Variants in WDR25 observed in about 807,000 individuals in gnomAD.
WDR25 encodes the protein WD repeat domain 25, also known as WD repeat-containing protein 25.
Under a neutral mutation model 47.7 loss-of-function variants are expected in WDR25, and 35 were observed. That is an observed-to-expected ratio of 0.73 (90% CI 0.56 to 0.97). The LOEUF (loss-of-function observed/expected upper bound fraction) is 0.97, where lower values mean the gene tolerates loss of function less well. WDR25 is among the 50% of genes least tolerant of loss of function. The pLI is 0.00. For missense variants in WDR25, 634 were observed against 704.7 expected, an observed-to-expected ratio of 0.90 and a Z score of 1.14; for synonymous variants, 248 against 278.9, an observed-to-expected ratio of 0.89 and a Z score of 1.10.
intron 2 of WDR25, among the ~76,000 whole-genome samples, chr14:100,413,593 T>G (rs1268649931): frequency 6.6e-6 from 1 of 151,968 alleles, no homozygotes; most frequent in Non-Finnish European, 1.5e-5. Flanking sequence ...TTTTGTATTT[T>G]TAGTAGAGAT....
intron 2 of WDR25, among the ~76,000 whole-genome samples, chr14:100,398,511 A>G (rs1359926973): frequency 6.6e-6 from 1 of 152,054 alleles, no homozygotes; most frequent in Non-Finnish European, 1.5e-5. Flanking sequence ...TTTCAGATTT[A>G]TGGAAGAGTT....
At chr14:100,515,302 T>C (rs917797508) in intron 4 of WDR25, among the ~76,000 whole-genome samples, 3 of 152,160 alleles carry the variant, frequency 2.0e-5, no homozygotes. Flanking sequence ...TTGGAAAATT[T>C]TTGCTCGTAG....
chr14:100,473,022 A>G (rs1221425898), intron 3 of WDR25, among the ~76,000 whole-genome samples: 1 of 152,272 alleles, frequency 6.6e-6, no homozygotes, highest in Non-Finnish European at 1.5e-5. Flanking sequence ...GACTGGGCTC[A>G]TAAATGACCA....
At chr14:100,465,219 A>G (rs1038479138) in intron 2 of WDR25, among the ~76,000 whole-genome samples, 2 of 152,144 alleles carry the variant, frequency 1.3e-5, no homozygotes, top group African/African-American at 4.8e-5. Context: ...CACAGCATAA[A>G]ATTGACCATC....
intron 2 of WDR25, among the ~76,000 whole-genome samples, chr14:100,460,149 G>T (rs1372399559): frequency 7.1e-6 from 1 of 141,600 alleles, no homozygotes; most frequent in Non-Finnish European, 1.5e-5. Context: ...GTCTCGCTCT[G>T]TCGCCCAGGC....
chr14:100,413,878 A>T (rs919065808), intron 2 of WDR25, among the ~76,000 whole-genome samples: 79 of 152,248 alleles, frequency 5.2e-4, no homozygotes, highest in African/African-American at 1.8e-3. Context: ...ACGTTCAGCC[A>T]TTTATCCCTT....
intron 2 of WDR25, among the ~76,000 whole-genome samples, chr14:100,446,961 T>G (rs1390667482): frequency 6.6e-6 from 1 of 152,248 alleles, no homozygotes; most frequent in Non-Finnish European, 1.5e-5. Context: ...GAGTCATCAT[T>G]ATTATCCCAT....
intron 3 of WDR25, among the ~76,000 whole-genome samples, chr14:100,476,267 C>T (rs1172354590): frequency 2.6e-5 from 4 of 152,188 alleles, no homozygotes; most frequent in African/African-American, 7.2e-5. Flanking sequence ...GGCCTTTGCC[C>T]GGATTGCTAA....
rs991865391 is a variant in WDR25 at position 100,484,100 on chromosome 14, A to G, written c.1077A>G (p.Lys359=). Residue 359 remains lysine, a synonymous_variant, in exon 4 of 7, where the codon AAA becomes AAG. Transcript: ENST00000402312. ...FLCGGFSSEM[K]AWDIRTGKVM... is the part of the protein sequence containing the mutation. ...GTGGAGGCTTCAGCTCTGAAATGAA[A>G]GCTTGGGATATAAGGACTGGCAAGG... 1.9e-6 allele frequency: 3 copies of G among 1,613,628 alleles called. No individual in the cohort carries two copies. The highest frequency in any genetic ancestry group is 2.7e-5 in the African/African-American group (2 of 74,904).
intron 2 of WDR25, among the ~76,000 whole-genome samples, chr14:100,436,505 T>A (rs1263714394): frequency 6.6e-6 from 1 of 152,284 alleles, no homozygotes; most frequent in Non-Finnish European, 1.5e-5. Context: ...GTTGGCTCCA[T>A]GGATTTGCAG....
chr14:100,516,710 T>G (rs905659382), intron 4 of WDR25, among the ~76,000 whole-genome samples: 1 of 152,156 alleles, frequency 6.6e-6, no homozygotes, highest in African/African-American at 2.4e-5. Context: ...ATTTTTAATA[T>G]GGTATATTTT....
chr14:100,469,190 A>G (rs2140298269), intron 3 of WDR25, among the ~76,000 whole-genome samples: 1 of 152,146 alleles, frequency 6.6e-6, no homozygotes, highest in South Asian at 2.1e-4. Flanking sequence ...AGGGTCTGGC[A>G]AGAAGGAGAT....
rs201567229 is a variant in WDR25, at chr14:100,381,550, C to G, written c.626C>G (p.Ala209Gly). 6.2e-7 allele frequency: 1 copy of G among 1,614,002 alleles called. No homozygotes were observed. The highest frequency in any genetic ancestry group is 2.2e-5 in the East Asian group (1 of 44,880). ...GGGCCCCCTGCAGGGCGTGCCCCAGCCCCTCTCTACGTGGGCCCGGGAGTG... is the reference window on the plus strand; with the variant it reads ...GGGCCCCCTGCAGGGCGTGCCCCAGGCCCTCTCTACGTGGGCCCGGGAGTG... Reference protein sequence around the residue: ...PQGPPAGRAPAPLYVGPGVSE... With the variant: ...PQGPPAGRAPGPLYVGPGVSE... The change falls in exon 2 of 7, where the codon GCC becomes GGC. Residue 209 changes from alanine (A) to glycine (G), a missense_variant. By Grantham distance (60) the Ala-to-Gly change is moderately conservative. Transcript: ENST00000402312.
chr14:100,438,389 A>G (rs1898564603), intron 2 of WDR25, among the ~76,000 whole-genome samples: 1 of 152,256 alleles, frequency 6.6e-6, no homozygotes, highest in Admixed American at 6.5e-5. Flanking sequence ...AAATGCGTTC[A>G]TTGGCAGGAT....
At chr14:100,460,078 A>G (rs1298908134) in intron 2 of WDR25, among the ~76,000 whole-genome samples, 1 of 150,566 alleles carries the variant, frequency 6.6e-6, no homozygotes, top group Non-Finnish European at 1.5e-5. Context: ...GAAGAAAGCA[A>G]GAGACCAATA....
At chr14:100,480,294 CAA>C (rs1373175197) in intron 3 of WDR25, among the ~76,000 whole-genome samples, 1 of 152,204 alleles carries the variant, frequency 6.6e-6, no homozygotes, top group African/African-American at 2.4e-5. Context: ...TGTGCTGACA[CAA>C]GAGTGACCAT....
intron 4 of WDR25, among the ~76,000 whole-genome samples, chr14:100,494,249 C>T (rs1900659858): frequency 6.6e-6 from 1 of 152,196 alleles, no homozygotes; most frequent in Admixed American, 6.5e-5. Context: ...ATTTTTGTTA[C>T]AGTGCTTTTG....
At chr14:100,524,696 G>T (rs895316108) in intron 4 of WDR25, among the ~76,000 whole-genome samples, 1 of 152,140 alleles carries the variant, frequency 6.6e-6, no homozygotes, top group Non-Finnish European at 1.5e-5. Context: ...TGACCAGCAG[G>T]AGAATGAACC....
At chr14:100,501,394 C>T (rs1366632211) in intron 4 of WDR25, among the ~76,000 whole-genome samples, 4 of 152,110 alleles carry the variant, frequency 2.6e-5, no homozygotes, top group Non-Finnish European at 5.9e-5. Context: ...CATGAGCTGT[C>T]TTCAGTTTTG....
Sources: gnomAD v4.1 joint callset for allele counts (sites outside exome capture counted in the v4.1 genomes callset) on GRCh38, gnomAD v4.1.1 for gene constraint, MANE v1.5 for transcripts, NCBI Gene and HGNC (gene_info 2026-07-23, HGNC 2026-07-21) for gene names.